The following TGFB1 variants were observed in gnomAD, a reference collection of about 807,000 sequenced individuals.
The protein encoded by TGFB1 is transforming growth factor beta-1 proprotein.
A neutral mutation model predicts 43.8 loss-of-function variants in TGFB1; 19 were observed. The ratio of observed to expected loss-of-function variants is 0.43; its 90% CI spans 0.30 to 0.64. The LOEUF is 0.64. Among genes scored for constraint, TGFB1 ranks in the 30% least tolerant of loss-of-function variants. TGFB1 has a pLI of 0.11. For missense variants in TGFB1, 445 were observed against 529.8 expected, an observed-to-expected ratio of 0.84 and a Z score of 1.57; for synonymous variants, 221 against 236.3, an observed-to-expected ratio of 0.94 and a Z score of 0.60.
Position 41,342,195 on chromosome 19 carries a change from A to G in TGFB1, c.687T>C (p.Asp229=), listed in dbSNP as rs930005496. The G allele has an allele frequency of 1.9e-6, 3 of 1,608,872 alleles. No homozygotes were observed. The highest frequency in any genetic ancestry group is 3.3e-4 in the Middle Eastern group (2 of 6,058). The change falls in exon 4 of 7, where the codon GAT becomes GAC. Residue 229 remains aspartate, a synonymous_variant. Coordinates refer to ENST00000221930, the MANE Select transcript of TGFB1 (RefSeq NM_000660.7). Reference sequence around the variant, plus strand: ...CGTTGATGTCCACTTGCAGTGTGTTATCCCTGCTGTCACAGGAGCAGTGGG... The same window carrying G: ...CGTTGATGTCCACTTGCAGTGTGTTGTCCCTGCTGTCACAGGAGCAGTGGG... ...LSAHCSCDSR[D]NTLQVDINGF... is the part of the protein sequence containing the mutation.
At chr19:41,351,659 TC>T (rs1044077485) in intron 1 of TGFB1, among the ~76,000 whole-genome samples, 5 of 151,946 alleles carry the variant, frequency 3.3e-5, no homozygotes, top group Non-Finnish European at 7.4e-5. Context: ...CGCAGGCTCC[TC>T]CCCCCGCGCG....
chr19:41,336,060 A>G (rs2037985344), intron 5 of TGFB1, among the ~76,000 whole-genome samples: 2 of 150,802 alleles, frequency 1.3e-5, no homozygotes. Context: ...CAGTGGTGCA[A>G]TCTTGGCTCA....
At chr19:41,342,311 G>A (rs2038066660) in intron 3 of TGFB1, 64 bp from the exon 4 acceptor site, 1 of 1,529,572 alleles carries the variant, frequency 6.5e-7, no homozygotes, top group Non-Finnish European at 8.9e-7. Context: ...TGGAGGAAGA[G>A]GAAGGAAGGA....
At chr19:41,350,544 G>A (rs926884151) in intron 1 of TGFB1, among the ~76,000 whole-genome samples, 7 of 152,136 alleles carry the variant, frequency 4.6e-5, no homozygotes, top group African/African-American at 1.7e-4. Flanking sequence ...CTGACCTCAG[G>A]TGGTCCACCC....
rs570977266 is a variant in TGFB1 at position 41,332,092 on chromosome 19, C to T, written c.1014+36G>A. On this transcript the variant is annotated intron_variant, in intron 6 of 6. Coordinates refer to ENST00000221930, the MANE Select transcript of TGFB1 (RefSeq NM_000660.7). ...TCCTCTTCCTCCGTCCTGGCTCCCC[C>T]CAAGCGCATCTCGTAGCCCGGTGGG... The T allele has an allele frequency of 5.6e-6, 9 of 1,601,850 alleles. No homozygotes were observed. The East Asian group carries it at 1.1e-4, about 20-fold the overall frequency.
intron 1 of TGFB1, chr19:41,351,165 G>A (rs2038187652): frequency 6.6e-6 from 1 of 152,392 alleles, no homozygotes; most frequent in Non-Finnish European, 1.5e-5. Context: ...CAGTGTTAAA[G>A]GAACCTCTAC....
rs574639750 is a variant in TGFB1 at position 41,330,329 on chromosome 19, C to T, written c.*723G>A. On this transcript the variant is annotated 3_prime_UTR_variant, in exon 7 of 7. Coordinates refer to ENST00000221930, the MANE Select transcript of TGFB1 (RefSeq NM_000660.7). ...GTGGCACAGTCAGGGCTCACTGCAG[C>T]CTTGACCTCCCAGGATCAAGTGATC... 1 of 152,162 alleles carries T rather than the reference C, an allele frequency of 6.6e-6. No individual in the cohort carries two copies. Among genetic ancestry groups the T allele is most frequent in the South Asian group, 2.1e-4 (1 of 4,826 alleles). 9.4% of individuals were successfully genotyped at this position (152,162 alleles called of 1,614,324 possible).
chr19:41,349,894 C>A (rs2038163430), intron 1 of TGFB1, among the ~76,000 whole-genome samples: 1 of 152,124 alleles, frequency 6.6e-6, no homozygotes, highest in South Asian at 2.1e-4. Context: ...GAAACTGAGG[C>A]ACCGAGATTA....
chr19:41,348,811 A>T (rs1382638665), intron 1 of TGFB1, among the ~76,000 whole-genome samples: 1 of 151,486 alleles, frequency 6.6e-6, no homozygotes, highest in East Asian at 1.9e-4. Flanking sequence ...TTTAGTAGAG[A>T]TGGGGTTTCA....
intron 2 of TGFB1, among the ~76,000 whole-genome samples, 163 bp downstream of exon 2, chr19:41,348,130 CAA>C (rs11347492): frequency 1.3e-3 from 181 of 136,710 alleles, no homozygotes; most frequent in East Asian, 3.6e-3. Context: ...GACACTGTCT[CAA>C]AAAAAAAAAA....
chr19:41,345,901 C>CA (rs896920695), intron 2 of TGFB1, among the ~76,000 whole-genome samples: 2,336 of 133,724 alleles, frequency 0.017, 62 homozygotes, highest in African/African-American at 0.058. Context: ...GACTCTGTCT[C>CA]AAAAAAAAAA....
intron 5 of TGFB1, among the ~76,000 whole-genome samples, chr19:41,339,217 C>G (rs1390122994): frequency 6.6e-6 from 1 of 151,544 alleles, no homozygotes; most frequent in Non-Finnish European, 1.5e-5. Context: ...CTCCTAGGCT[C>G]AAGCACTCCT....
Position 41,331,151 on chromosome 19 carries a change from C to T in TGFB1, c.1074G>A (p.Pro358=). 1.3e-6 allele frequency: 2 copies of T among 1,566,168 alleles called. No individual in the cohort carries two copies. The highest frequency in any genetic ancestry group is 1.4e-5 in the African/African-American group (1 of 74,048). The change falls in exon 7 of 7, where the codon CCG becomes CCA. Residue 358 remains proline, a synonymous_variant. Coordinates refer to ENST00000221930, the MANE Select transcript of TGFB1 (RefSeq NM_000660.7). ...PGASAAPCCV[P]QALEPLPIVY... ...CGATGGGCAGCGGCTCCAGCGCCTG[C>T]GGCACGCAGCACGGCGCCGCCGAGG...
intron 2 of TGFB1, among the ~76,000 whole-genome samples, chr19:41,346,767 C>G (rs953134304): frequency 1.3e-5 from 2 of 152,076 alleles, no homozygotes; most frequent in Admixed American, 1.3e-4. Context: ...GCTCTGTTGC[C>G]CAGGCTGGAG....
intron 6 of TGFB1, among the ~76,000 whole-genome samples, chr19:41,331,826 G>A (rs1431491767): frequency 6.6e-6 from 1 of 150,972 alleles, no homozygotes; most frequent in East Asian, 1.9e-4. Flanking sequence ...CTCTCATTTT[G>A]TCTCTCCATT....
intron 5 of TGFB1, among the ~76,000 whole-genome samples, chr19:41,336,304 T>C (rs2037987690): frequency 6.6e-6 from 1 of 151,738 alleles, no homozygotes; most frequent in East Asian, 1.9e-4. Flanking sequence ...AGCTGGAAAG[T>C]TTCAGATGTA....
At chr19:41,336,289 C>T (rs374739933) in intron 5 of TGFB1, among the ~76,000 whole-genome samples, 10 of 152,124 alleles carry the variant, frequency 6.6e-5, no homozygotes, top group South Asian at 2.1e-4. Flanking sequence ...TGAGCCACCG[C>T]GTCCAGCTGG....
chr19:41,332,446 G>GATA (rs2123080954), intron 5 of TGFB1, among the ~76,000 whole-genome samples, 165 bp from the exon 6 acceptor site: 1 of 152,322 alleles, frequency 6.6e-6, no homozygotes, highest in South Asian at 2.1e-4. Flanking sequence ...AAATAGTCAT[G>GATA]ATAATCACTA....
intron 5 of TGFB1, among the ~76,000 whole-genome samples, chr19:41,334,809 G>A (rs1380339932): frequency 1.3e-5 from 2 of 151,296 alleles, no homozygotes; most frequent in Non-Finnish European, 2.9e-5. Flanking sequence ...AACTCAGCCC[G>A]TACCACCCAA....
Sources: gnomAD v4.1 joint callset for allele counts (sites outside exome capture counted in the v4.1 genomes callset) on GRCh38, gnomAD v4.1.1 for gene constraint, MANE v1.5 for transcripts, NCBI Gene and HGNC (gene_info 2026-07-23, HGNC 2026-07-21) for gene names.